Variants in CACNA2D3 observed in about 807,000 individuals in gnomAD.
CACNA2D3 encodes calcium voltage-gated channel auxiliary subunit alpha2delta 3.
Under a neutral mutation model 160.6 loss-of-function variants are expected in CACNA2D3, and 60 were observed. That is an observed-to-expected ratio of 0.37 (90% CI 0.30 to 0.46). The LOEUF (loss-of-function observed/expected upper bound fraction) is 0.46, where lower values mean the gene tolerates loss of function less well. Ranked by LOEUF, CACNA2D3 falls within the 20% of genes least tolerant of loss-of-function variation. The pLI is 1.00. For synonymous variants in CACNA2D3, 558 were observed against 492.9 expected (o/e 1.13, Z -1.75); for missense variants, 1,205 against 1,365.0 (o/e 0.88, Z 1.85).
chr3:54,751,612 A>G (rs534279416), intron 11 of CACNA2D3, among the ~76,000 whole-genome samples: 2 of 152,328 alleles, frequency 1.3e-5, no homozygotes, highest in Admixed American at 6.5e-5. Flanking sequence ...GCTACACAAA[A>G]TGCTAGCTAA....
intron 2 of CACNA2D3, among the ~76,000 whole-genome samples, chr3:54,257,713 T>A (rs1421078130): frequency 1.3e-5 from 2 of 152,112 alleles, no homozygotes; most frequent in Non-Finnish European, 2.9e-5. Context: ...TCAATGAGTA[T>A]AAAAAAATAA....
chr3:54,880,584 T>G (rs1699771704), intron 20 of CACNA2D3, among the ~76,000 whole-genome samples: 1 of 152,224 alleles, frequency 6.6e-6, no homozygotes, highest in African/African-American at 2.4e-5. Flanking sequence ...TGCTGGCATT[T>G]CTGATCAGAA....
rs764757160 is a variant in CACNA2D3 at position 54,987,754 on chromosome 3, G to C, written c.2690+1G>C. ...TGCTAACAATGGGCTCCTTTAAAAG[G>C]TAAGGGTTTTATGGTCCACTGCATT... On this transcript the variant is annotated splice_donor_variant, in intron 31 of 37. Transcript: ENST00000474759. LOFTEE classifies it high-confidence loss of function. The C allele has an allele frequency of 1.2e-6, 2 of 1,602,318 alleles. No homozygotes were observed. Among genetic ancestry groups the C allele is most frequent in the Non-Finnish European group, 1.7e-6 (2 of 1,175,840 alleles).
chr3:54,131,922 G>A (rs1868510), intron 2 of CACNA2D3, among the ~76,000 whole-genome samples: 58,831 of 152,084 alleles, frequency 0.39, 11,547 homozygotes, highest in East Asian at 0.6. Flanking sequence ...CTTTGTACAT[G>A]TGCCATCCAT....
At chr3:54,347,878 C>G (rs192299774) in intron 3 of CACNA2D3, among the ~76,000 whole-genome samples, 137 of 152,206 alleles carry the variant, frequency 9.0e-4, no homozygotes, top group African/African-American at 3.2e-3. Flanking sequence ...GAAGGCAGTA[C>G]CCTCCCATGG....
intron 14 of CACNA2D3, among the ~76,000 whole-genome samples, chr3:54,825,956 C>T (rs1452690082): frequency 9.2e-5 from 14 of 151,930 alleles, no homozygotes; most frequent in Non-Finnish European, 4.4e-5. Context: ...ACACACATAC[C>T]ATATGTGCAT....
chr3:54,413,392 A>G (rs1699700625), intron 4 of CACNA2D3, among the ~76,000 whole-genome samples: 1 of 144,312 alleles, frequency 6.9e-6, no homozygotes, highest in Non-Finnish European at 1.5e-5. Context: ...AGATGCATAT[A>G]TATATCTATA....
intron 4 of CACNA2D3, among the ~76,000 whole-genome samples, chr3:54,501,868 C>T (rs574935665): frequency 6.6e-6 from 1 of 152,290 alleles, no homozygotes; most frequent in African/African-American, 2.4e-5. Flanking sequence ...TTTATTTCTC[C>T]TTTACTTGTG....
intron 4 of CACNA2D3, among the ~76,000 whole-genome samples, chr3:54,454,368 G>T (rs775191149): frequency 5.9e-5 from 9 of 151,976 alleles, no homozygotes. Context: ...CTTGTACCCC[G>T]GTGTAGTCAG....
chr3:54,799,476 C>T (rs948126739), intron 13 of CACNA2D3, among the ~76,000 whole-genome samples: 4 of 151,916 alleles, frequency 2.6e-5, no homozygotes, highest in Non-Finnish European at 4.4e-5. Context: ...CTTGGGGGCC[C>T]GGTATTTCTA....
At chr3:54,805,963 C>G (rs1703110618) in intron 13 of CACNA2D3, among the ~76,000 whole-genome samples, 1 of 152,118 alleles carries the variant, frequency 6.6e-6, no homozygotes, top group Non-Finnish European at 1.5e-5. Context: ...ACATGATTAT[C>G]TCAATAGATG....
At chr3:54,839,200 G>A (rs2106760695) in intron 16 of CACNA2D3, among the ~76,000 whole-genome samples, 1 of 152,310 alleles carries the variant, frequency 6.6e-6, no homozygotes, top group East Asian at 1.9e-4. Flanking sequence ...GGAGCTTGCA[G>A]TGAGCTGAAA....
chr3:54,616,473 T>C (rs912164002), intron 9 of CACNA2D3, among the ~76,000 whole-genome samples: 10 of 152,216 alleles, frequency 6.6e-5, no homozygotes, highest in Admixed American at 4.6e-4. Flanking sequence ...ACTTACAACC[T>C]AATCTTGCAG....
chr3:55,070,351 A>C (rs74406283), intron 35 of CACNA2D3, among the ~76,000 whole-genome samples: 157 of 152,284 alleles, frequency 1.0e-3, no homozygotes, highest in African/African-American at 3.4e-3. Flanking sequence ...GAAGGATTAT[A>C]GATAATTATT....
chr3:55,010,375 A>T (rs1703182335), intron 34 of CACNA2D3, among the ~76,000 whole-genome samples: 1 of 152,194 alleles, frequency 6.6e-6, no homozygotes, highest in South Asian at 2.1e-4. Flanking sequence ...TGTACCCTCC[A>T]CACCTAAAAT....
intron 11 of CACNA2D3, among the ~76,000 whole-genome samples, chr3:54,736,292 A>C (rs896018533): frequency 6.6e-6 from 1 of 151,472 alleles, no homozygotes; most frequent in African/African-American, 2.4e-5. Flanking sequence ...ATGAAAGTTC[A>C]TGATTAAATG....
chr3:55,060,351 G>A lies in CACNA2D3; in HGVS notation c.2988-13094G>A, dbSNP rs1704476913. On this transcript the variant is annotated intron_variant, in intron 35 of 37. Transcript: ENST00000474759. ...GTAAGTGGTAGACGATGTTGGTGGTGATGGTGATGGTGATGATAGTCACGA... is the reference window on the plus strand; with the variant it reads ...GTAAGTGGTAGACGATGTTGGTGGTAATGGTGATGGTGATGATAGTCACGA... Among the ~76,000 whole-genome samples the A allele has an allele frequency of 1.3e-5, 2 of 152,184 alleles. 1 individual carries two copies. The highest frequency in any genetic ancestry group is 4.1e-4 in the South Asian group (2 of 4,832).
chr3:54,652,783 C>CTTT (rs11428424), intron 11 of CACNA2D3, among the ~76,000 whole-genome samples: 17,997 of 118,046 alleles, frequency 0.15, 1,936 homozygotes, highest in Non-Finnish European at 0.2. Context: ...CCATGGGAGG[C>CTTT]TTTTTTTTTT....
At chr3:54,189,304 A>T (rs1056102549) in intron 2 of CACNA2D3, among the ~76,000 whole-genome samples, 1 of 152,150 alleles carries the variant, frequency 6.6e-6, no homozygotes, top group Non-Finnish European at 1.5e-5. Flanking sequence ...CAGCTCACTG[A>T]TACTGTGTGT....
Sources: allele counts gnomAD v4.1 joint callset (sites outside exome capture counted in the v4.1 genomes callset), GRCh38; gene constraint gnomAD v4.1.1; transcripts MANE v1.5; gene names NCBI Gene and HGNC (gene_info 2026-07-23, HGNC 2026-07-21).